Variants in DEPTOR observed in about 807,000 individuals in gnomAD.
The protein encoded by DEPTOR is DEP domain-containing mTOR-interacting protein.
A neutral mutation model predicts 41.6 loss-of-function variants in DEPTOR; 41 were observed. That is an observed-to-expected ratio of 0.98 (90% CI 0.77 to 1.28). The LOEUF (loss-of-function observed/expected upper bound fraction) is 1.28, where lower values mean the gene tolerates loss of function less well. Ranked by LOEUF, DEPTOR falls within the 50% of genes most tolerant of loss-of-function variation. DEPTOR has a pLI of 0.00. For missense variants in DEPTOR, 514 were observed against 527.9 expected (o/e 0.97, Z 0.26); for synonymous variants, 195 against 192.3 (o/e 1.01, Z -0.12).
intron 4 of DEPTOR, among the ~76,000 whole-genome samples, chr8:119,987,051 T>A (rs1828838258): frequency 6.6e-6 from 1 of 152,108 alleles, no homozygotes; most frequent in South Asian, 2.1e-4. Context: ...AAACTCATTC[T>A]CCATCCAGTT....
At chr8:119,921,174 A>C (rs1020622745) in intron 1 of DEPTOR, among the ~76,000 whole-genome samples, 1 of 152,024 alleles carries the variant, frequency 6.6e-6, no homozygotes, top group Non-Finnish European at 1.5e-5. Flanking sequence ...ATGGGGTTTC[A>C]CCATATTGGC....
intron 6 of DEPTOR, among the ~76,000 whole-genome samples, chr8:120,005,505 T>C (rs1812422485): frequency 6.6e-6 from 1 of 152,110 alleles, no homozygotes; most frequent in Non-Finnish European, 1.5e-5. Flanking sequence ...CACGCTGCCT[T>C]TCCTTGTCTG....
At chr8:120,045,970 C>T (rs1813147621) in intron 8 of DEPTOR, among the ~76,000 whole-genome samples, 1 of 152,096 alleles carries the variant, frequency 6.6e-6, no homozygotes, top group South Asian at 2.1e-4. Context: ...AGGTGCTCAT[C>T]CTCCCACACA....
chr8:120,033,275 C>A (rs557701474), intron 8 of DEPTOR, among the ~76,000 whole-genome samples: 2 of 152,084 alleles, frequency 1.3e-5, no homozygotes, highest in South Asian at 4.2e-4. Context: ...TTAGTAGAGA[C>A]AGGGTTTCGC....
intron 8 of DEPTOR, among the ~76,000 whole-genome samples, chr8:120,042,400 T>C (rs1813089734): frequency 6.6e-6 from 1 of 152,210 alleles, no homozygotes; most frequent in African/African-American, 2.4e-5. Flanking sequence ...AATACCTACA[T>C]TTCTAGATCA....
intron 3 of DEPTOR, among the ~76,000 whole-genome samples, chr8:119,936,946 C>A (rs1420962399): frequency 6.6e-6 from 1 of 151,886 alleles, no homozygotes; most frequent in Non-Finnish European, 1.5e-5. Flanking sequence ...ATTGCTTGAA[C>A]CTGGGAGGCG....
intron 1 of DEPTOR, among the ~76,000 whole-genome samples, chr8:119,905,888 C>T (rs1381867299): frequency 1.3e-5 from 2 of 152,158 alleles, no homozygotes; most frequent in African/African-American, 4.8e-5. Context: ...AATGATCCAC[C>T]TGCCTGGGTC....
At chr8:119,941,048 A>G (rs895591476) in intron 3 of DEPTOR, among the ~76,000 whole-genome samples, 1 of 152,082 alleles carries the variant, frequency 6.6e-6, no homozygotes. Flanking sequence ...GTACACTGCT[A>G]TGAGTGTACT....
At chr8:119,948,153 G>GT (rs1314609639) in intron 3 of DEPTOR, among the ~76,000 whole-genome samples, 10 of 152,112 alleles carry the variant, frequency 6.6e-5, no homozygotes, top group African/African-American at 1.7e-4. Context: ...TTGCACATAG[G>GT]TTTTTTAACA....
intron 3 of DEPTOR, among the ~76,000 whole-genome samples, chr8:119,951,871 G>C (rs2129928136): frequency 6.6e-6 from 1 of 152,236 alleles, no homozygotes; most frequent in East Asian, 1.9e-4. Context: ...GAGTGTGGTG[G>C]CTCACGCTGT....
intron 1 of DEPTOR, among the ~76,000 whole-genome samples, chr8:119,911,105 T>A (rs1827730589): frequency 6.6e-6 from 1 of 152,160 alleles, no homozygotes; most frequent in Admixed American, 6.5e-5. Flanking sequence ...CCTTCAGTGT[T>A]GGCTGTTTAT....
rs113906114 is a variant in DEPTOR, at chr8:120,043,998, C to T, written c.1102-5578C>T. On this transcript the variant is annotated intron_variant, in intron 8 of 8. Coordinates refer to ENST00000286234, the MANE Select transcript of DEPTOR (RefSeq NM_022783.4). ...CTGCACTCTTGCCTGAGGGACAGCG[C>T]GAGACTCTGTCTTAAAAAAAGAGAT... is the stretch of plus-strand genomic sequence containing the variant. Among the ~76,000 whole-genome samples, 111 of 149,526 alleles carry T rather than the reference C, an allele frequency of 7.4e-4. 1 individual carries two copies. Among genetic ancestry groups the T allele is most frequent in the African/African-American group, 2.2e-3 (91 of 40,570 alleles).
At chr8:119,923,907 G>A (rs1264753536) in intron 1 of DEPTOR, among the ~76,000 whole-genome samples, 1 of 70,768 alleles carries the variant, frequency 1.4e-5, no homozygotes, top group Non-Finnish European at 2.7e-5. Flanking sequence ...TTTTTTTTTG[G>A]TATTATTTTT....
At chr8:119,979,579 A>C (rs1158911536) in intron 4 of DEPTOR, among the ~76,000 whole-genome samples, 2 of 151,964 alleles carry the variant, frequency 1.3e-5, no homozygotes, top group Admixed American at 1.3e-4. Flanking sequence ...TTTTTCTAGA[A>C]AGCTTCCCTT....
chr8:119,904,242 C>G (rs1308128740), intron 1 of DEPTOR, among the ~76,000 whole-genome samples: 1 of 151,918 alleles, frequency 6.6e-6, no homozygotes, highest in Non-Finnish European at 1.5e-5. Context: ...CTCAGCCGCC[C>G]CGAGTAGTTG....
intron 1 of DEPTOR, among the ~76,000 whole-genome samples, chr8:119,916,146 C>T (rs998415980): frequency 3.4e-4 from 51 of 152,214 alleles, no homozygotes; most frequent in African/African-American, 1.2e-3. Flanking sequence ...CGGGTGGACG[C>T]TGGAGTGCAG....
At chr8:119,905,674 A>G (rs1157076733) in intron 1 of DEPTOR, among the ~76,000 whole-genome samples, 2 of 147,932 alleles carry the variant, frequency 1.4e-5, no homozygotes, top group African/African-American at 5.0e-5. Flanking sequence ...TTTGTTGCCC[A>G]GGATGAAGTA....
chr8:119,882,580 T>G (rs2129679759), intron 1 of DEPTOR, among the ~76,000 whole-genome samples: 1 of 152,100 alleles, frequency 6.6e-6, no homozygotes, highest in East Asian at 1.9e-4. Flanking sequence ...GGCTAATTTT[T>G]GTATTTTTTG....
chr8:119,978,425 C>T (rs1483518158), intron 4 of DEPTOR, among the ~76,000 whole-genome samples: 1 of 152,162 alleles, frequency 6.6e-6, no homozygotes, highest in Non-Finnish European at 1.5e-5. Context: ...TGATATGCTT[C>T]ATCTCTCTCC....
Sources: gnomAD v4.1 joint callset for allele counts (sites outside exome capture counted in the v4.1 genomes callset) on GRCh38, gnomAD v4.1.1 for gene constraint, MANE v1.5 for transcripts, NCBI Gene and HGNC (gene_info 2026-07-23, HGNC 2026-07-21) for gene names.